The following KDM4A variants were observed in gnomAD, a reference collection of about 807,000 sequenced individuals.
The protein encoded by KDM4A is lysine demethylase 4A, also known as lysine-specific demethylase 4A.
KDM4A carries 23 observed loss-of-function variants against 127.1 expected under a neutral mutation model. The observed-to-expected ratio is 0.18, with a 90% CI of 0.13 to 0.26. KDM4A has a LOEUF of 0.26. Among genes scored for constraint, KDM4A ranks in the 10% least tolerant of loss-of-function variants. The probability of loss-of-function intolerance (pLI) is 1.00; values close to 1 mark genes in which losing one functional copy is unlikely to be tolerated. For synonymous variants in KDM4A, 443 were observed against 466.5 expected (o/e 0.95, Z 0.65); for missense variants, 890 against 1,329.1 (o/e 0.67, Z 5.14).
Position 43,655,731 on chromosome 1 carries a change from T to G in KDM4A, c.279T>G (p.Thr93=). Residue 93 remains threonine, a synonymous_variant, in exon 3 of 22, where the codon ACT becomes ACG. Coordinates refer to ENST00000372396, the MANE Select transcript of KDM4A (RefSeq NM_014663.3). ...TQYNIQKKAM[T]VREFRKIANS... ...ACAACATACAGAAGAAAGCCATGAC[T>G]GTTCGAGAGTTCCGCAAGATAGCCA... 1 of 1,611,998 alleles carries G rather than the reference T, an allele frequency of 6.2e-7. No individual in the cohort carries two copies.
At chr1:43,691,622 T>C in intron 15 of KDM4A, 50 bp downstream of exon 15, 2 of 1,492,822 alleles carry the variant, frequency 1.3e-6, no homozygotes, top group Non-Finnish European at 1.9e-6. Flanking sequence ...TTGGTGCATA[T>C]TCAGGGCCAG....
intron 11 of KDM4A, among the ~76,000 whole-genome samples, chr1:43,678,195 G>A (rs996747666): frequency 2.0e-5 from 3 of 152,132 alleles, no homozygotes; most frequent in African/African-American, 7.2e-5. Context: ...GGGGACTTTT[G>A]TGAGGTAGGC....
intron 11 of KDM4A, among the ~76,000 whole-genome samples, chr1:43,681,508 T>C (rs1660856053): frequency 6.6e-6 from 1 of 152,224 alleles, no homozygotes; most frequent in Admixed American, 6.5e-5. Flanking sequence ...TGGGTACATG[T>C]TGTGTACCCT....
chr1:43,650,490 C>T (rs933454796), intron 1 of KDM4A: 2 of 152,284 alleles, frequency 1.3e-5, no homozygotes, highest in Admixed American at 1.3e-4. Flanking sequence ...TTTTCTTCTT[C>T]CTGCGGCCGA....
rs1204966432 is a variant in KDM4A, at chr1:43,705,338, TC to T, written c.*970del. ...CTGAAGGGGTTAAACAGGTTTTTGC[TC>T]CTCAAGAATTTGTTTGCCTGGGCCC... is the stretch of plus-strand genomic sequence containing the variant. On this transcript the variant is annotated 3_prime_UTR_variant, in exon 22 of 22. Coordinates refer to ENST00000372396, the MANE Select transcript of KDM4A (RefSeq NM_014663.3). 6.6e-6 allele frequency: 1 copy of T among 151,960 alleles called. No individual in the cohort carries two copies. Among genetic ancestry groups the T allele is most frequent in the Non-Finnish European group, 1.5e-5 (1 of 67,890 alleles). The allele number at this position is 151,960 out of a possible 1,614,324, so 9.4% of individuals were successfully genotyped here.
chr1:43,682,954 G>A (rs1245810097), intron 11 of KDM4A, among the ~76,000 whole-genome samples: 2 of 152,198 alleles, frequency 1.3e-5, no homozygotes, highest in South Asian at 2.1e-4. Context: ...TGATTAGAAA[G>A]AAACCCTTCT....
intron 5 of KDM4A, among the ~76,000 whole-genome samples, chr1:43,664,821 A>T (rs1306310041): frequency 3.3e-5 from 5 of 152,098 alleles, no homozygotes; most frequent in African/African-American, 1.2e-4. Flanking sequence ...TTTTCCAGTT[A>T]TTATATACAT....
chr1:43,678,591 T>G lies in KDM4A; in HGVS notation c.1735-5093T>G, dbSNP rs1570847381. Among the ~76,000 whole-genome samples the G allele has an allele frequency of 6.0e-5, 9 of 150,102 alleles. No individual in the cohort carries two copies. In the South Asian group the frequency reaches 1.5e-3, roughly 25 times the overall value. ...GGAGGGGATGGCTGCAGATAGGTTT[T>G]TTTTTTTTTTTTTTGAGAAAAGGTC... On this transcript the variant is annotated intron_variant, in intron 11 of 21. Transcript: ENST00000372396.
rs755447977 is a variant in KDM4A, at chr1:43,683,780, C to T, written c.1831C>T (p.Leu611=). ...GCTCCCCCGCCATCACCCACTTGTG[C>T]TGCAGGAGTGTGTCAGTGATGATGG... ...SKLPRHHPLV[L]QECVSDDETS... The change falls in exon 12 of 22, where the codon CTG becomes TTG. Residue 611 remains leucine (L), a synonymous_variant. Coordinates refer to ENST00000372396, the MANE Select transcript of KDM4A (RefSeq NM_014663.3). 5.6e-6 allele frequency: 9 copies of T among 1,614,000 alleles called. No homozygotes were observed. The highest frequency in any genetic ancestry group is 7.6e-6 in the Non-Finnish European group (9 of 1,180,022).
Position 43,697,858 on chromosome 1 carries a change from T to C in KDM4A, c.2686T>C (p.Leu896=). 6.2e-7 allele frequency: 1 copy of C among 1,613,278 alleles called. No individual in the cohort carries two copies. The highest frequency in any genetic ancestry group is 1.1e-5 in the South Asian group (1 of 91,036). ...TTTTTTCCAGCGTGCCAAGGGGGCC[T>C]TGCAAAGCATCACTGCAGGCCAGAA... ...IPNLERAKGA[L]QSITAGQKVI... Residue 896 remains leucine, a synonymous_variant, in exon 19 of 22, where the codon TTG becomes CTG. Transcript: ENST00000372396.
chr1:43,668,366 C>T (rs1263172291), intron 9 of KDM4A, among the ~76,000 whole-genome samples: 1 of 152,144 alleles, frequency 6.6e-6, no homozygotes, highest in Non-Finnish European at 1.5e-5. Flanking sequence ...ACCTCGTGAT[C>T]CGCCCACCTC....
At chr1:43,691,743 G>C (rs1053217193) in intron 15 of KDM4A, among the ~76,000 whole-genome samples, 171 bp downstream of exon 15, 4 of 152,164 alleles carry the variant, frequency 2.6e-5, no homozygotes, top group Admixed American at 2.6e-4. Context: ...GAGAATGGTT[G>C]CTGCCCACTT....
At chr1:43,683,449 G>C (rs1660902044) in intron 11 of KDM4A, among the ~76,000 whole-genome samples, 1 of 152,226 alleles carries the variant, frequency 6.6e-6, no homozygotes, top group Non-Finnish European at 1.5e-5. Flanking sequence ...CTGCTCCTAA[G>C]AAGGCCAAGA....
intron 5 of KDM4A, among the ~76,000 whole-genome samples, chr1:43,664,292 C>T (rs1313011957): frequency 1.3e-5 from 2 of 152,104 alleles, no homozygotes; most frequent in African/African-American, 2.4e-5. Flanking sequence ...GAGGGCCAGG[C>T]GTGGTGGCTC....
At chr1:43,657,933 T>G (rs1395927650) in intron 3 of KDM4A, among the ~76,000 whole-genome samples, 2 of 149,890 alleles carry the variant, frequency 1.3e-5, no homozygotes, top group African/African-American at 2.5e-5. Context: ...TTAGTAGAGA[T>G]GGGGTTTCAC....
Position 43,703,661 on chromosome 1 carries a change from G to A in KDM4A, c.2886G>A (p.Val962=). ...TTGGTCCTCCTGCTGAAGGGGAAGT[G>A]GTCCAAGTGAGATGGACAGACGGCC... ...LQFGPPAEGE[V]VQVRWTDGQV... The change falls in exon 20 of 22, where the codon GTG becomes GTA. Residue 962 remains valine, a synonymous_variant. Transcript: ENST00000372396. 2 of 1,614,080 alleles carry A rather than the reference G, an allele frequency of 1.2e-6. No individual in the cohort carries two copies. Among genetic ancestry groups the A allele is most frequent in the East Asian group, 2.2e-5 (1 of 44,884 alleles).
chr1:43,683,796 G>T lies in KDM4A; in HGVS notation c.1847G>T (p.Ser616Ile), dbSNP rs768153588. 6.2e-7 allele frequency: 1 copy of T among 1,613,978 alleles called. No individual in the cohort carries two copies. The highest frequency in any genetic ancestry group is 1.3e-5 in the African/African-American group (1 of 75,020). The part of the protein sequence containing the change: ...HHPLVLQECV[S>I]DDETSEQLTP... Reference sequence around the variant, plus strand: ...CCACTTGTGCTGCAGGAGTGTGTCAGTGATGATGGTAAGTGTTGTTTTTTC... The same window carrying T: ...CCACTTGTGCTGCAGGAGTGTGTCATTGATGATGGTAAGTGTTGTTTTTTC... Residue 616 changes from serine to isoleucine, a missense_variant, in exon 12 of 22, where the codon AGT becomes ATT. Coordinates refer to ENST00000372396, the MANE Select transcript of KDM4A (RefSeq NM_014663.3).
At chr1:43,699,565 C>T (rs1185569848) in intron 19 of KDM4A, among the ~76,000 whole-genome samples, 1 of 152,036 alleles carries the variant, frequency 6.6e-6, no homozygotes, top group Non-Finnish European at 1.5e-5. Flanking sequence ...CCCCAAAGAG[C>T]CTGTGTTTCT....
At chr1:43,663,480 G>C (rs927841312) in intron 5 of KDM4A, among the ~76,000 whole-genome samples, 4 of 152,080 alleles carry the variant, frequency 2.6e-5, no homozygotes, top group African/African-American at 7.2e-5. Flanking sequence ...CTAATACTTG[G>C]GGAGCAGCAG....
Sources: gnomAD v4.1 joint callset for allele counts (sites outside exome capture counted in the v4.1 genomes callset) on GRCh38, gnomAD v4.1.1 for gene constraint, MANE v1.5 for transcripts, NCBI Gene and HGNC (gene_info 2026-07-23, HGNC 2026-07-21) for gene names.